Variants in ZSWIM6 observed in about 807,000 individuals in gnomAD.
ZSWIM6 encodes the protein zinc finger SWIM domain-containing protein 6.
ZSWIM6 carries 9 observed loss-of-function variants against 113.2 expected under a neutral mutation model. That is an observed-to-expected ratio of 0.08 (90% CI 0.05 to 0.14). The LOEUF (loss-of-function observed/expected upper bound fraction) is 0.14, where lower values mean the gene tolerates loss of function less well. Ranked by LOEUF, ZSWIM6 falls within the 10% of genes least tolerant of loss-of-function variation. The pLI is 1.00. For synonymous variants in ZSWIM6, 611 were observed against 606.5 expected, an observed-to-expected ratio of 1.01 and a Z score of -0.11; for missense variants, 1,162 against 1,552.2, an observed-to-expected ratio of 0.75 and a Z score of 4.22.
At chr5:61,364,167 C>T (rs1057216664) in intron 1 of ZSWIM6, among the ~76,000 whole-genome samples, 1 of 152,064 alleles carries the variant, frequency 6.6e-6, no homozygotes, top group African/African-American at 2.4e-5. Context: ...ACCTCCGCCT[C>T]CTGAGTAGCT....
intron 1 of ZSWIM6, among the ~76,000 whole-genome samples, chr5:61,355,292 G>A (rs991599220): frequency 1.6e-4 from 25 of 152,220 alleles, no homozygotes; most frequent in African/African-American, 5.5e-4. Flanking sequence ...TGGCTCCTGG[G>A]TGTTCCTTTG....
In ZSWIM6 at chr5:61,543,723, C is replaced by T. The variant is rs372142369; in HGVS notation, c.3054C>T (p.Leu1018=). ...TTGAGACGGCGTACCAAATTGTTCT[C>T]GACGCTGCTACGACTGGCATGAGCT... ...IAFETAYQIV[L]DAATTGMSYT... The change falls in exon 14 of 14, where the codon CTC becomes CTT. Residue 1018 remains leucine (L), a synonymous_variant. Coordinates refer to ENST00000252744, the MANE Select transcript of ZSWIM6 (RefSeq NM_020928.2). This position sits in a 1 kb window ranked among gnomAD's most constrained non-coding sequence, Gnocchi z 4.3. The T allele has an allele frequency of 6.2e-5, 96 of 1,551,622 alleles. 1 individual carries two copies. The South Asian group carries it at 7.1e-4, about 12-fold the overall frequency.
At position 61,422,654 on chromosome 5, in the gene ZSWIM6, G is replaced by C. The variant is rs1579988630; in HGVS notation, c.677-50027G>C. 2.6e-5 allele frequency among the ~76,000 whole-genome samples: 4 copies of C among 152,298 alleles called. 1 individual carries two copies. The South Asian group carries it at 8.3e-4, about 32-fold the overall frequency. ...GCATTAAGTCTGTAGATTACTTTGG[G>C]TAGTGTGGACATTTTAACAATATTG... On this transcript the variant is annotated intron_variant, in intron 1 of 13. Coordinates refer to ENST00000252744, the MANE Select transcript of ZSWIM6 (RefSeq NM_020928.2).
In ZSWIM6 at chr5:61,514,879, T is replaced by G. The variant is rs1252802886; in HGVS notation, c.1334-6384T>G. Among the ~76,000 whole-genome samples, 3 of 152,132 alleles carry G rather than the reference T, an allele frequency of 2.0e-5. No homozygotes were observed. The East Asian group carries it at 5.8e-4, about 29-fold the overall frequency. On this transcript the variant is annotated intron_variant, in intron 4 of 13. Transcript: ENST00000252744. The stretch of plus-strand genomic sequence containing the variant: ...GGTTTTAGTATCAGGGTAATAATGC[T>G]GGCCTCATACAGTGGGAACCCTTCC...
chr5:61,366,845 C>A (rs547875013), intron 1 of ZSWIM6, among the ~76,000 whole-genome samples: 1 of 150,836 alleles, frequency 6.6e-6, no homozygotes, highest in African/African-American at 2.4e-5. Flanking sequence ...GAGAGTATTG[C>A]TGGAACCCAG....
At chr5:61,454,214 A>AAATTTTATTTT (rs1747148953) in intron 1 of ZSWIM6, among the ~76,000 whole-genome samples, 7 of 128,466 alleles carry the variant, frequency 5.4e-5, no homozygotes, top group African/African-American at 2.1e-4. Context: ...GAGTTCCCTA[A>AAATTTTATTTT]ATTTTATTTT....
intron 9 of ZSWIM6, among the ~76,000 whole-genome samples, 160 bp downstream of exon 9, chr5:61,531,885 G>A (rs920848431): frequency 4.6e-5 from 7 of 152,146 alleles, no homozygotes; most frequent in Admixed American, 4.6e-4. Flanking sequence ...AAAAAATAGT[G>A]TCACTGAATA....
intron 3 of ZSWIM6, among the ~76,000 whole-genome samples, chr5:61,492,717 A>C (rs1056933977): frequency 2.0e-5 from 3 of 152,076 alleles, no homozygotes; most frequent in Non-Finnish European, 2.9e-5. Flanking sequence ...TGTAAGCACA[A>C]CCTTTGTGAT....
In ZSWIM6 at chr5:61,544,538, T is replaced by A. The variant is rs986505960; in HGVS notation, c.*221T>A. 6 of 239,668 alleles carry A rather than the reference T, an allele frequency of 2.5e-5. No homozygotes were observed. The highest frequency in any genetic ancestry group is 1.6e-4 in the Admixed American group (3 of 19,178). The allele number at this position is 239,668 out of a possible 1,614,324, so 14.8% of individuals were successfully genotyped here. ...CTTTCCTTTATTTTATTATTTTTTT[T>A]AATTTTTTTTTTCTGGTTTTGTATG... On this transcript the variant is annotated 3_prime_UTR_variant, in exon 14 of 14. Coordinates refer to ENST00000252744, the MANE Select transcript of ZSWIM6 (RefSeq NM_020928.2).
chr5:61,514,409 A>G (rs902078033), intron 4 of ZSWIM6, among the ~76,000 whole-genome samples: 6 of 151,708 alleles, frequency 4.0e-5, no homozygotes, highest in African/African-American at 1.2e-4. Context: ...TTCCAGTGTG[A>G]TGCTGAATAG....
chr5:61,495,896 A>G (rs998746539), intron 4 of ZSWIM6, among the ~76,000 whole-genome samples: 9 of 152,016 alleles, frequency 5.9e-5, no homozygotes, highest in Middle Eastern at 3.2e-3. Context: ...AATGAATGCA[A>G]TTTAAAGAGC....
intron 1 of ZSWIM6, among the ~76,000 whole-genome samples, chr5:61,377,699 G>A (rs1288728541): frequency 6.7e-6 from 1 of 150,056 alleles, no homozygotes; most frequent in African/African-American, 2.5e-5. Flanking sequence ...CCTGGCGACA[G>A]AGCGAGACTT....
At chr5:61,497,391 T>C (rs1385192025) in intron 4 of ZSWIM6, among the ~76,000 whole-genome samples, 1 of 152,218 alleles carries the variant, frequency 6.6e-6, no homozygotes, top group African/African-American at 2.4e-5. Context: ...TTCAAGTGAA[T>C]ATATGAAAAC....
intron 1 of ZSWIM6, among the ~76,000 whole-genome samples, chr5:61,428,517 T>G (rs1746509770): frequency 6.7e-6 from 1 of 149,394 alleles, no homozygotes; most frequent in African/African-American, 2.5e-5. Context: ...TGCACACCGC[T>G]ACACGCAGCT....
intron 1 of ZSWIM6, among the ~76,000 whole-genome samples, chr5:61,340,502 A>G (rs1744520650): frequency 6.6e-6 from 1 of 152,234 alleles, no homozygotes. Flanking sequence ...TGAAAGAGGA[A>G]AGGTATTTTT....
intron 1 of ZSWIM6, among the ~76,000 whole-genome samples, chr5:61,348,319 G>A (rs1744709401): frequency 6.6e-6 from 1 of 152,068 alleles, no homozygotes; most frequent in African/African-American, 2.4e-5. Flanking sequence ...GTTAAGCCAT[G>A]GTGGATTAAG....
At chr5:61,482,391 C>A (rs939920594) in intron 2 of ZSWIM6, among the ~76,000 whole-genome samples, 7 of 152,066 alleles carry the variant, frequency 4.6e-5, no homozygotes, top group African/African-American at 1.7e-4. Context: ...AGGAGAAACA[C>A]CTAATGTAGA....
intron 12 of ZSWIM6, among the ~76,000 whole-genome samples, chr5:61,541,287 G>A (rs988907373): frequency 6.6e-6 from 1 of 152,146 alleles, no homozygotes; most frequent in South Asian, 2.1e-4. Flanking sequence ...GAATTATGAA[G>A]AGGGAGATAT....
chr5:61,524,731 A>G (rs1373772047), intron 5 of ZSWIM6, among the ~76,000 whole-genome samples: 1 of 152,220 alleles, frequency 6.6e-6, no homozygotes, highest in African/African-American at 2.4e-5. Context: ...AATCTTACCA[A>G]TTAAGGAAGC....
Sources: allele counts gnomAD v4.1 joint callset (sites outside exome capture counted in the v4.1 genomes callset), GRCh38; gene constraint gnomAD v4.1.1; non-coding constraint Gnocchi (gnomAD v3.1); transcripts MANE v1.5; gene names NCBI Gene and HGNC (gene_info 2026-07-23, HGNC 2026-07-21).